The following NUP153 variants were observed in gnomAD, a reference collection of about 807,000 sequenced individuals.
NUP153 encodes nucleoporin 153.
A neutral mutation model predicts 134.6 loss-of-function variants in NUP153; 27 were observed. The ratio of observed to expected loss-of-function variants is 0.20; its 90% CI spans 0.15 to 0.28. NUP153 has a LOEUF of 0.28. NUP153 is among the 10% of genes least tolerant of loss of function. The probability of loss-of-function intolerance (pLI) is 1.00; values close to 1 mark genes in which losing one functional copy is unlikely to be tolerated. For synonymous variants in NUP153, 640 were observed against 623.5 expected (o/e 1.03, Z -0.40); for missense variants, 1,821 against 1,731.3 (o/e 1.05, Z -0.92).
Position 17,680,623 on chromosome 6 carries a change from A to G in NUP153, c.335-4853T>C, listed in dbSNP as rs184257735. ...ACATGAAATGTAAAAACTTTTATGC[A>G]TCAAAGAATGTAATCAACAGAGTAA... On this transcript the variant is annotated intron_variant, in intron 2 of 21. Coordinates refer to ENST00000262077, the MANE Select transcript of NUP153 (RefSeq NM_005124.4). This position sits in a 1 kb window ranked among gnomAD's most constrained non-coding sequence, Gnocchi z 4.5. 4.2e-4 allele frequency among the ~76,000 whole-genome samples: 64 copies of G among 152,384 alleles called. No individual in the cohort carries two copies. The highest frequency in any genetic ancestry group is 1.4e-3 in the African/African-American group (57 of 41,598).
intron 14 of NUP153, among the ~76,000 whole-genome samples, chr6:17,641,318 C>T (rs1053903131): frequency 3.9e-5 from 6 of 152,128 alleles, no homozygotes; most frequent in Non-Finnish European, 7.4e-5. Context: ...GGGCAGATCA[C>T]GAGGTCAAGA....
chr6:17,625,763 T>C lies in NUP153; in HGVS notation c.3901+45A>G, dbSNP rs1162631329. ...CGCTAAGAACTGACACACTAATAAGTAAAGTCCATCCAATTACAATGCATT... is the reference window on the plus strand; with the variant it reads ...CGCTAAGAACTGACACACTAATAAGCAAAGTCCATCCAATTACAATGCATT... On this transcript the variant is annotated intron_variant, in intron 19 of 21. Transcript: ENST00000262077. This position sits in a 1 kb window ranked among gnomAD's most constrained non-coding sequence, Gnocchi z 4.7. The C allele has an allele frequency of 1.4e-6, 2 of 1,415,798 alleles. No individual in the cohort carries two copies. Among genetic ancestry groups the C allele is most frequent in the Non-Finnish European group, 2.0e-6 (2 of 1,007,142 alleles). 87.7% of individuals were successfully genotyped at this position (1,415,798 alleles called of 1,614,324 possible). A position where few individuals can be genotyped will look rare whatever the true frequency, so the allele number is the denominator to read the frequency against.
chr6:17,683,642 A>C (rs957182500), intron 2 of NUP153, among the ~76,000 whole-genome samples: 2 of 152,190 alleles, frequency 1.3e-5, no homozygotes, highest in African/African-American at 4.8e-5. Context: ...TAGATTTAGC[A>C]TAATTCTTAG....
intron 16 of NUP153, 92 bp from the exon 17 acceptor site, chr6:17,632,936 TAA>T (rs1166049543): frequency 1.1e-6 from 1 of 884,630 alleles, no homozygotes; most frequent in African/African-American, 1.7e-5. Context: ...CTGCTAAGTT[TAA>T]GTGTTCAGTT....
rs1769724511 is a variant in NUP153, at chr6:17,697,411, C to T, written c.112-8793G>A. Among the ~76,000 whole-genome samples, 9 of 151,948 alleles carry T rather than the reference C, an allele frequency of 5.9e-5. 1 individual carries two copies. In the South Asian group the frequency reaches 1.9e-3, roughly 32 times the overall value. On this transcript the variant is annotated intron_variant, in intron 1 of 21. Coordinates refer to ENST00000262077, the MANE Select transcript of NUP153 (RefSeq NM_005124.4). ...TGAGTTGAAGGATTAATGAGCTGGG[C>T]GCAGTGGCTCATGCCTGTAATCCCA...
Position 17,701,834 on chromosome 6 carries a change from G to GGGGGGGGC in NUP153, c.111+4442_111+4443insGCCCCCCC, listed in dbSNP as rs1770110872. 2.9e-5 allele frequency among the ~76,000 whole-genome samples: 3 copies of GGGGGGGGC among 103,736 alleles called. 1 individual carries two copies. Among genetic ancestry groups the GGGGGGGGC allele is most frequent in the Non-Finnish European group, 6.2e-5 (3 of 48,026 alleles). 68.1% of individuals were successfully genotyped at this position (103,736 alleles called of 152,430 possible). A position where few individuals can be genotyped will look rare whatever the true frequency, so the allele number is the denominator to read the frequency against. ...GGCAACAGAGCAAGACTCTGTCTCG[G>GGGGGGGGC]GGGGGGGGGGAAAAAAGCTAAATGC... On this transcript the variant is annotated intron_variant, in intron 1 of 21. Transcript: ENST00000262077.
intron 11 of NUP153, among the ~76,000 whole-genome samples, chr6:17,656,155 A>C (rs1181689178): frequency 1.3e-5 from 2 of 152,162 alleles, no homozygotes; most frequent in Non-Finnish European, 2.9e-5. Context: ...CAGTGAGCCA[A>C]GATTGCGCCA....
At chr6:17,656,700 C>T (rs1295248708) in intron 11 of NUP153, among the ~76,000 whole-genome samples, 2 of 152,110 alleles carry the variant, frequency 1.3e-5, no homozygotes, top group Admixed American at 6.5e-5. Flanking sequence ...GAGTCCAGCT[C>T]AAATCTGTCT....
intron 5 of NUP153, among the ~76,000 whole-genome samples, chr6:17,671,730 G>C (rs376748184): frequency 6.6e-6 from 1 of 152,134 alleles, no homozygotes; most frequent in South Asian, 2.1e-4. Context: ...ATCATGGCTG[G>C]GCATGCTGGC....
chr6:17,672,667 CAT>C (rs1027885989), intron 5 of NUP153, among the ~76,000 whole-genome samples: 7 of 152,004 alleles, frequency 4.6e-5, no homozygotes, highest in South Asian at 4.1e-4. Context: ...ATTGCACACC[CAT>C]ATGTTAAAAA....
chr6:17,659,266 C>A (rs1767029002), intron 11 of NUP153, among the ~76,000 whole-genome samples: 6 of 152,226 alleles, frequency 3.9e-5, no homozygotes, highest in Admixed American at 3.9e-4. Flanking sequence ...TCCCAAAGCA[C>A]AGATTTTTGT....
chr6:17,659,072 A>G (rs1454897229), intron 11 of NUP153, among the ~76,000 whole-genome samples: 1 of 152,240 alleles, frequency 6.6e-6, no homozygotes, highest in Non-Finnish European at 1.5e-5. Flanking sequence ...ACCCAATGGC[A>G]CACTGCACAA....
intron 5 of NUP153, among the ~76,000 whole-genome samples, chr6:17,673,836 C>T (rs538260388): frequency 1.3e-5 from 2 of 152,130 alleles, no homozygotes; most frequent in Non-Finnish European, 2.9e-5. Context: ...CCATATGACC[C>T]ATCAATTCAA....
rs1248677495 is a variant in NUP153 at position 17,680,758 on chromosome 6, CA to C, written c.335-4989del. ...AACCCCCAGTGAAAATGGCTTTTAT[CA>C]AAAAGGCAATAATGGATGCTGGTGA... On this transcript the variant is annotated intron_variant, in intron 2 of 21. Coordinates refer to ENST00000262077, the MANE Select transcript of NUP153 (RefSeq NM_005124.4). The surrounding 1 kb of genome is among the most constrained non-coding windows in gnomAD (Gnocchi z 4.5). Among the ~76,000 whole-genome samples the C allele has an allele frequency of 2.6e-5, 4 of 152,076 alleles. No homozygotes were observed. The highest frequency in any genetic ancestry group is 9.7e-5 in the African/African-American group (4 of 41,410).
chr6:17,703,596 T>C (rs1050185065), intron 1 of NUP153, among the ~76,000 whole-genome samples: 3 of 151,308 alleles, frequency 2.0e-5, no homozygotes, highest in African/African-American at 7.3e-5. Flanking sequence ...AGCAAGTGGG[T>C]AGACCCTATG....
At chr6:17,617,837 C>T (rs1205064152) in intron 20 of NUP153, among the ~76,000 whole-genome samples, 1 of 151,612 alleles carries the variant, frequency 6.6e-6, no homozygotes, top group Non-Finnish European at 1.5e-5. Flanking sequence ...AGAGTGAGAC[C>T]CTATCTCAGA....
At chr6:17,688,188 T>C (rs1328026500) in intron 2 of NUP153, among the ~76,000 whole-genome samples, 2 of 152,016 alleles carry the variant, frequency 1.3e-5, no homozygotes, top group Non-Finnish European at 2.9e-5. Flanking sequence ...ACATCAGAGC[T>C]TGCAGTCTTA....
chr6:17,631,617 T>G (rs1765257327), intron 17 of NUP153, among the ~76,000 whole-genome samples: 1 of 152,220 alleles, frequency 6.6e-6, no homozygotes, highest in Non-Finnish European at 1.5e-5. Flanking sequence ...TTTCAAGACA[T>G]TAATCCTCAC....
At position 17,669,545 on chromosome 6, in the gene NUP153, G is replaced by A. The variant is rs1249576098; in HGVS notation, c.854C>T (p.Ala285Val). ...QSKLRNTPYQ[A>V]PVRRQMKAKQ... ...AGCTTTCATTTGTCTTCTAACTGGT[G>A]CCTGTAAAGTAAACCCTATATTATT... Residue 285 changes from alanine (A) to valine (V), a missense_variant and splice_region_variant, in exon 6 of 22, where the codon GCA becomes GTA. By Grantham distance (64) the Ala-to-Val change is moderately conservative. Transcript: ENST00000262077. 3 of 1,591,042 alleles carry A rather than the reference G, an allele frequency of 1.9e-6. No homozygotes were observed. The highest frequency in any genetic ancestry group is 2.2e-5 in the East Asian group (1 of 44,760).
Sources: allele counts gnomAD v4.1 joint callset (sites outside exome capture counted in the v4.1 genomes callset), GRCh38; gene constraint gnomAD v4.1.1; non-coding constraint Gnocchi (gnomAD v3.1); transcripts MANE v1.5; gene names NCBI Gene and HGNC (gene_info 2026-07-23, HGNC 2026-07-21).